The following KCNK5 variants were observed in gnomAD, a reference collection of about 807,000 sequenced individuals.
The protein encoded by KCNK5 is potassium channel subfamily K member 5.
KCNK5 carries 18 observed loss-of-function variants against 32.9 expected under a neutral mutation model. The observed-to-expected ratio is 0.55, with a 90% CI of 0.38 to 0.81. KCNK5 has a LOEUF of 0.81. Ranked by LOEUF, KCNK5 falls within the 30% of genes least tolerant of loss-of-function variation. The pLI is 0.00. For missense variants in KCNK5, 507 were observed against 651.0 expected (o/e 0.78, Z 2.41); for synonymous variants, 276 against 275.3 (o/e 1.00, Z -0.03).
At chr6:39,220,122 A>T (rs927116130) in intron 1 of KCNK5, among the ~76,000 whole-genome samples, 1 of 152,138 alleles carries the variant, frequency 6.6e-6, no homozygotes, top group African/African-American at 2.4e-5. Context: ...GTGGCCAACA[A>T]GGCCCCTGGC....
intron 1 of KCNK5, among the ~76,000 whole-genome samples, chr6:39,221,869 G>A (rs1771558360): frequency 2.0e-5 from 3 of 152,138 alleles, no homozygotes; most frequent in Admixed American, 6.5e-5. Context: ...CCACCACTGA[G>A]CACTTTGGAC....
chr6:39,211,605 G>A (rs115720106), intron 1 of KCNK5, among the ~76,000 whole-genome samples: 7,332 of 152,254 alleles, frequency 0.048, 219 homozygotes, highest in South Asian at 0.1. Context: ...CACTGGCTAC[G>A]GAGCACTAGA....
chr6:39,219,661 T>C (rs796594436), intron 1 of KCNK5, among the ~76,000 whole-genome samples: 3 of 152,304 alleles, frequency 2.0e-5, no homozygotes, highest in African/African-American at 7.2e-5. Flanking sequence ...TGCTGTGACC[T>C]TGCAAGAGGC....
intron 1 of KCNK5, among the ~76,000 whole-genome samples, chr6:39,212,117 C>T (rs1249941045): frequency 6.6e-6 from 1 of 152,084 alleles, no homozygotes; most frequent in Non-Finnish European, 1.5e-5. Flanking sequence ...GGTGAAACCC[C>T]GTCTCTACAA....
intron 1 of KCNK5, among the ~76,000 whole-genome samples, chr6:39,216,361 T>C (rs1771437460): frequency 6.6e-6 from 1 of 152,134 alleles, no homozygotes; most frequent in Non-Finnish European, 1.5e-5. Context: ...TACTTTGGTG[T>C]CAGAACCTGG....
At chr6:39,212,946 C>A (rs971380960) in intron 1 of KCNK5, among the ~76,000 whole-genome samples, 11 of 152,180 alleles carry the variant, frequency 7.2e-5, no homozygotes, top group Non-Finnish European at 1.6e-4. Context: ...TGAACTAGGA[C>A]CAGAGCATCT....
chr6:39,224,963 G>A (rs1452238599), intron 1 of KCNK5, among the ~76,000 whole-genome samples: 1 of 151,424 alleles, frequency 6.6e-6, no homozygotes, highest in Non-Finnish European at 1.5e-5. Context: ...GGAGTGCAGT[G>A]GCGCAATCCA....
chr6:39,208,032 C>T (rs1323104443), intron 1 of KCNK5, among the ~76,000 whole-genome samples: 1 of 152,110 alleles, frequency 6.6e-6, no homozygotes, highest in Non-Finnish European at 1.5e-5. Context: ...TAGCAAATTC[C>T]CCAACCCAGG....
At chr6:39,217,118 C>CAAAG (rs1771451399) in intron 1 of KCNK5, among the ~76,000 whole-genome samples, 5 of 74,444 alleles carry the variant, frequency 6.7e-5, no homozygotes, top group African/African-American at 2.3e-4. Context: ...AAAACTCCAT[C>CAAAG]AAAAAAAAAA....
At chr6:39,223,279 C>T (rs970843648) in intron 1 of KCNK5, among the ~76,000 whole-genome samples, 1 of 152,238 alleles carries the variant, frequency 6.6e-6, no homozygotes, top group South Asian at 2.1e-4. Context: ...AGACATACTG[C>T]TTGGTTGGTG....
chr6:39,206,343 G>A (rs142878626), intron 1 of KCNK5, among the ~76,000 whole-genome samples: 2,240 of 152,326 alleles, frequency 0.015, 27 homozygotes, highest in East Asian at 0.029. Flanking sequence ...TAGGGTAAGC[G>A]CGTGCCTACG....
intron 1 of KCNK5, among the ~76,000 whole-genome samples, chr6:39,210,227 C>G (rs1771307706): frequency 6.6e-6 from 1 of 152,146 alleles, no homozygotes; most frequent in Non-Finnish European, 1.5e-5. Flanking sequence ...CCTGCTGAAG[C>G]AGAGCCCTTC....
chr6:39,197,031 A>G (rs1408757228), intron 1 of KCNK5, among the ~76,000 whole-genome samples: 1 of 152,150 alleles, frequency 6.6e-6, no homozygotes, highest in Admixed American at 6.6e-5. Flanking sequence ...GGACCCCAGA[A>G]GTCACATAAG....
chr6:39,215,433 G>A (rs1368719832), intron 1 of KCNK5, among the ~76,000 whole-genome samples: 1 of 152,176 alleles, frequency 6.6e-6, no homozygotes, highest in Non-Finnish European at 1.5e-5. Context: ...GAACAGGAGT[G>A]ATAGGGAAGG....
At chr6:39,228,748 C>T (rs897364351) in intron 1 of KCNK5, among the ~76,000 whole-genome samples, 178 bp downstream of exon 1, 1 of 152,154 alleles carries the variant, frequency 6.6e-6, no homozygotes, top group African/African-American at 2.4e-5. Context: ...CCCTGTGTCC[C>T]TCGGGTGAGC....
At chr6:39,219,436 T>C (rs188797878) in intron 1 of KCNK5, among the ~76,000 whole-genome samples, 18 of 152,212 alleles carry the variant, frequency 1.2e-4, no homozygotes, top group Admixed American at 1.1e-3. Flanking sequence ...GCCTCACAAT[T>C]TGTAAAGGCA....
intron 1 of KCNK5, among the ~76,000 whole-genome samples, chr6:39,214,682 G>A (rs1771402572): frequency 6.6e-6 from 1 of 152,132 alleles, no homozygotes; most frequent in Admixed American, 6.5e-5. Context: ...GAAGGGTGCA[G>A]ACCAGGCAAT....
At chr6:39,201,803 C>G (rs1771137672) in intron 1 of KCNK5, among the ~76,000 whole-genome samples, 1 of 152,218 alleles carries the variant, frequency 6.6e-6, no homozygotes, top group South Asian at 2.1e-4. Flanking sequence ...AATCCAAGCA[C>G]TTTACTTATC....
At chr6:39,220,201 C>T (rs1174330172) in intron 1 of KCNK5, among the ~76,000 whole-genome samples, 1 of 152,202 alleles carries the variant, frequency 6.6e-6, no homozygotes, top group Non-Finnish European at 1.5e-5. Flanking sequence ...CAGCTTCTCT[C>T]CCAGACTCAG....
Sources: gnomAD v4.1 joint callset for allele counts (sites outside exome capture counted in the v4.1 genomes callset) on GRCh38, gnomAD v4.1.1 for gene constraint, MANE v1.5 for transcripts, NCBI Gene and HGNC (gene_info 2026-07-23, HGNC 2026-07-21) for gene names.